Variants in RRM2 observed in about 807,000 individuals in gnomAD.
RRM2 encodes the protein ribonucleotide reductase regulatory subunit M2.
In RRM2, 6 loss-of-function variants were observed where a neutral mutation model predicts 45.9. The observed-to-expected ratio is 0.13, with a 90% CI of 0.07 to 0.26. RRM2 has a LOEUF of 0.26. RRM2 is among the 10% of genes least tolerant of loss of function. The pLI is 1.00. For missense variants in RRM2, 343 were observed against 489.5 expected (o/e 0.70, Z 2.82); for synonymous variants, 177 against 173.0 (o/e 1.02, Z -0.18).
chr2:10,138,282 C>T (rs1663026028), upstream of RRM2, among the ~76,000 whole-genome samples: 1 of 152,034 alleles, frequency 6.6e-6, no homozygotes, highest in Admixed American at 6.5e-5. Flanking sequence ...ATTCTCCTGC[C>T]TCAGCCTCCT....
intron 3 of RRM2, among the ~76,000 whole-genome samples, chr2:10,158,280 C>T (rs1663476832): frequency 2.0e-5 from 3 of 152,130 alleles, no homozygotes; most frequent in Admixed American, 1.3e-4. Context: ...ACAAAGCGGT[C>T]AGCAGTTCTG....
intron 3 of RRM2, among the ~76,000 whole-genome samples, chr2:10,149,559 T>C (rs1663261467): frequency 6.6e-6 from 1 of 152,244 alleles, no homozygotes; most frequent in Non-Finnish European, 1.5e-5. Context: ...CTTTTCTCGT[T>C]TTTATTTTTT....
chr2:10,210,319 G>T, exon 4 of RRM2: 1 of 1,367,010 alleles, frequency 7.3e-7, no homozygotes, highest in Non-Finnish European at 9.8e-7. Flanking sequence ...AGTCTTCCAG[G>T]ATCTCAACCA....
In RRM2 at chr2:10,147,702, T is replaced by C. The variant is rs189703113; in HGVS notation, n.482+5327T>C. Among the ~76,000 whole-genome samples the C allele has an allele frequency of 8.5e-4, 129 of 152,396 alleles. 1 individual carries two copies. Among genetic ancestry groups the C allele is most frequent in the Admixed American group, 5.9e-3 (91 of 15,310 alleles). On this transcript the variant is annotated intron_variant and non_coding_transcript_variant, in intron 3 of 3. Transcript: ENST00000381786. ...GTATGTTTCCTACTAAAAACACTTA[T>C]GAAAAGTGTGTATTTTCTCTTACCC...
chr2:10,134,549 T>C (rs568979490), downstream of RRM2, among the ~76,000 whole-genome samples: 1 of 152,320 alleles, frequency 6.6e-6, no homozygotes, highest in Admixed American at 6.5e-5. Context: ...TAATCCCCAG[T>C]ATTGATCCCT....
rs142939100 is a variant in RRM2 at position 10,129,174 on chromosome 2, G to A, written c.1017+20G>A. 1.1e-4 allele frequency: 171 copies of A among 1,613,856 alleles called. 1 individual carries two copies. In the South Asian group the frequency reaches 1.8e-3, roughly 17 times the overall value. ...AGCAAGGTAAAGTATTGTTTACATAGCCTTTTGCTTGTTTTGAAGCTGGTG... is the reference window on the plus strand; with the variant it reads ...AGCAAGGTAAAGTATTGTTTACATAACCTTTTGCTTGTTTTGAAGCTGGTG... On this transcript the variant is annotated intron_variant, in intron 9 of 9. Transcript: ENST00000304567. The surrounding 1 kb of genome is among the most constrained non-coding windows in gnomAD (Gnocchi z 4.8).
At chr2:10,141,781 G>A in intron 1 of RRM2, 1 of 1,539,390 alleles carries the variant, frequency 6.5e-7, no homozygotes, top group Non-Finnish European at 8.8e-7. Context: ...CCATGGCCTG[G>A]GGCTGGGGCT....
intron 3 of RRM2, among the ~76,000 whole-genome samples, chr2:10,183,005 C>A (rs13416553): frequency 0.24 from 36,250 of 151,948 alleles, 4,790 homozygotes; most frequent in East Asian, 0.51. Flanking sequence ...TTAGGAAGAC[C>A]CTGTCTCTAC....
intron 3 of RRM2, among the ~76,000 whole-genome samples, chr2:10,196,524 A>G (rs551506687): frequency 6.6e-6 from 1 of 152,164 alleles, no homozygotes; most frequent in South Asian, 2.1e-4. Context: ...CAGTCTGCCC[A>G]CCCAGGCTGT....
At chr2:10,196,658 C>G (rs1281286621) in intron 3 of RRM2, among the ~76,000 whole-genome samples, 2 of 152,220 alleles carry the variant, frequency 1.3e-5, no homozygotes, top group East Asian at 3.9e-4. Context: ...GCAGCCCTGG[C>G]CTGAGCAGCC....
intron 3 of RRM2, among the ~76,000 whole-genome samples, chr2:10,161,573 A>T (rs1195175481): frequency 6.6e-6 from 1 of 152,126 alleles, no homozygotes; most frequent in Non-Finnish European, 1.5e-5. Context: ...TACACTATTT[A>T]AAAACACTTC....
intron 3 of RRM2, among the ~76,000 whole-genome samples, chr2:10,192,396 C>G (rs1664326808): frequency 6.6e-6 from 1 of 152,210 alleles, no homozygotes; most frequent in Non-Finnish European, 1.5e-5. Flanking sequence ...ACCGTGGTGA[C>G]TCTAGAACCT....
At chr2:10,122,581 GC>G, upstream of RRM2, 1 of 1,448,848 alleles carries the variant, frequency 6.9e-7, no homozygotes, top group Non-Finnish European at 9.1e-7. Flanking sequence ...ATCGCGCGCG[GC>G]CCCGCGGCCA....
rs1477630546 is a variant in RRM2 at position 10,127,190 on chromosome 2, A to G, written c.768A>G (p.Thr256=). The part of the protein sequence containing the change: ...LKKRGLMPGL[T]FSNELISRDE... Reference sequence around the variant, plus strand: ...AACGAGGACTGATGCCTGGCCTCACATTTTCTAATGAACTTATTAGCAGAG... The same window carrying G: ...AACGAGGACTGATGCCTGGCCTCACGTTTTCTAATGAACTTATTAGCAGAG... The change falls in exon 7 of 10, where the codon ACA becomes ACG. Residue 256 remains threonine (T), a synonymous_variant. Coordinates refer to ENST00000304567, the MANE Select transcript of RRM2 (RefSeq NM_001034.4). The surrounding 1 kb of genome is among the most constrained non-coding windows in gnomAD (Gnocchi z 4.1). The G allele has an allele frequency of 1.9e-6, 3 of 1,613,962 alleles. No homozygotes were observed. The highest frequency in any genetic ancestry group is 2.5e-6 in the Non-Finnish European group (3 of 1,180,048).
In RRM2 at chr2:10,200,488, GCACC is replaced by G. The variant is rs1341564295; in HGVS notation, n.483-9822_483-9819del. On this transcript the variant is annotated intron_variant and non_coding_transcript_variant, in intron 3 of 3. Transcript: ENST00000381786. ...CGCGCGCAAAATATGAGGCCCACAG[GCACC>G]GCGCACACAAAATATGAGGCCCACA... 5.8e-4 allele frequency among the ~76,000 whole-genome samples: 24 copies of G among 41,050 alleles called. 5 individuals carry two copies. The highest frequency in any genetic ancestry group is 1.4e-3 in the African/African-American group (17 of 11,832). 26.9% of individuals were successfully genotyped at this position (41,050 alleles called of 152,430 possible). A position where few individuals can be genotyped will look rare whatever the true frequency, so the allele number is the denominator to read the frequency against.
At position 10,124,859 on chromosome 2, in the gene RRM2, T is replaced by C. The variant is rs1157767714; in HGVS notation, c.569+9T>C. On this transcript the variant is annotated intron_variant, in intron 5 of 9. Transcript: ENST00000304567. ...AAAGATCCCAAAGAAAGGTGAGTAT[T>C]CAAGTGGTATGCCAAGATTTTTAGG... 6.3e-7 allele frequency: 1 copy of C among 1,590,230 alleles called. No homozygotes were observed. Among genetic ancestry groups the C allele is most frequent in the Non-Finnish European group, 8.6e-7 (1 of 1,164,418 alleles).
chr2:10,188,140 TC>T (rs918681524), intron 3 of RRM2, among the ~76,000 whole-genome samples: 18 of 152,146 alleles, frequency 1.2e-4, no homozygotes, highest in African/African-American at 3.9e-4. Context: ...CCCCAGGGCT[TC>T]CCCCTCCCAC....
At chr2:10,158,481 G>A (rs1663482559) in intron 3 of RRM2, among the ~76,000 whole-genome samples, 1 of 151,944 alleles carries the variant, frequency 6.6e-6, no homozygotes, top group African/African-American at 2.4e-5. Context: ...CTTTCCATCT[G>A]AGGCACTCAG....
intron 3 of RRM2, among the ~76,000 whole-genome samples, chr2:10,144,559 G>A (rs943571529): frequency 1.7e-4 from 26 of 152,314 alleles, no homozygotes; most frequent in Admixed American, 1.3e-3. Flanking sequence ...GTGACCTCAC[G>A]ATTCTGGCCC....
Sources: gnomAD v4.1 joint callset for allele counts (sites outside exome capture counted in the v4.1 genomes callset) on GRCh38, gnomAD v4.1.1 for gene constraint, Gnocchi (gnomAD v3.1) non-coding constraint, MANE v1.5 for transcripts, NCBI Gene and HGNC (gene_info 2026-07-23, HGNC 2026-07-21) for gene names.